The following DNAH17 variants were observed in gnomAD, a reference collection of about 807,000 sequenced individuals.
DNAH17 encodes the protein dynein axonemal heavy chain 17, also known as axonemal beta dynein heavy chain 17.
In DNAH17, 376 loss-of-function variants were observed where a neutral mutation model predicts 485.6. That is an observed-to-expected ratio of 0.77 (90% CI 0.71 to 0.84). DNAH17 has a LOEUF of 0.84. Ranked by LOEUF, DNAH17 falls within the 40% of genes least tolerant of loss-of-function variation. The probability of loss-of-function intolerance (pLI) is 0.00; values close to 1 mark genes in which losing one functional copy is unlikely to be tolerated. For synonymous variants in DNAH17, 3,031 were observed against 2,405.9 expected (o/e 1.26, Z -7.60); for missense variants, 6,370 against 5,839.3 (o/e 1.09, Z -2.96).
At chr17:78,429,524 G>T (rs572785290) in intron 75 of DNAH17, among the ~76,000 whole-genome samples, 184 of 152,260 alleles carry the variant, frequency 1.2e-3, no homozygotes, top group African/African-American at 4.1e-3. Context: ...GGCCCCTTTG[G>T]CTTCTCTCAC....
At chr17:78,532,043 A>G (rs1199700516) in intron 20 of DNAH17, among the ~76,000 whole-genome samples, 2 of 152,268 alleles carry the variant, frequency 1.3e-5, no homozygotes, top group Non-Finnish European at 2.9e-5. Context: ...GGGCTCTCAC[A>G]GGGTTTTACC....
chr17:78,564,765 C>A (rs2092233912), intron 11 of DNAH17, among the ~76,000 whole-genome samples: 1 of 152,104 alleles, frequency 6.6e-6, no homozygotes, highest in Admixed American at 6.6e-5. Flanking sequence ...AGTGCCTGAC[C>A]TCAGGGAGTT....
At chr17:78,460,138 C>G (rs757392674) in intron 59 of DNAH17, 24 bp downstream of exon 59, 1 of 1,588,326 alleles carries the variant, frequency 6.3e-7, no homozygotes, top group Non-Finnish European at 8.6e-7. Context: ...GCCAGGGGTC[C>G]CCTTTCTTTC....
chr17:78,567,824 G>GC (rs2143701823), intron 9 of DNAH17, among the ~76,000 whole-genome samples: 1 of 152,278 alleles, frequency 6.6e-6, no homozygotes, highest in East Asian at 1.9e-4. Context: ...CATCCCGTTA[G>GC]CTGGTTGTGT....
intron 54 of DNAH17, chr17:78,472,611 C>A (rs2088814566): frequency 2.6e-6 from 1 of 391,076 alleles, no homozygotes; most frequent in African/African-American, 2.1e-5. Flanking sequence ...TCCCCACCGC[C>A]TGGCCCCGGG....
rs777498901 is a variant in DNAH17, at chr17:78,480,803, G to A, written c.7650-17C>T. The stretch of plus-strand genomic sequence containing the variant: ...CTGTCATACCTGAGGGGGGAAACCA[G>A]CATTCATGTTGTGCCCCTGGCCTGG... On this transcript the variant is annotated splice_polypyrimidine_tract_variant and intron_variant, in intron 48 of 80. Transcript: ENST00000389840. 3 of 1,592,512 alleles carry A rather than the reference G, an allele frequency of 1.9e-6. No homozygotes were observed. The highest frequency in any genetic ancestry group is 3.4e-5 in the Admixed American group (2 of 58,792).
chr17:78,571,335 T>G lies in DNAH17; in HGVS notation c.776A>C (p.Lys259Thr), dbSNP rs1318941273. 1 of 1,613,818 alleles carries G rather than the reference T, an allele frequency of 6.2e-7. No homozygotes were observed. Among genetic ancestry groups the G allele is most frequent in the Non-Finnish European group, 8.5e-7 (1 of 1,179,862 alleles). The change falls in exon 5 of 81, where the codon AAA becomes ACA. Residue 259 changes from lysine (K) to threonine (T), a missense_variant. Transcript: ENST00000389840. ...GGCTGGCCAGTAGCAGCTTTTGGCT[T>G]TCTCTAGGATCTCAACAATCTTGTT... ...KVNKIVEILE[K>T]AKSCYWPALQ...
At chr17:78,524,058 C>G (rs1239967286) in intron 25 of DNAH17, among the ~76,000 whole-genome samples, 2 of 152,202 alleles carry the variant, frequency 1.3e-5, no homozygotes, top group Non-Finnish European at 2.9e-5. Flanking sequence ...GAAATCCTTA[C>G]CTCGTATTAG....
rs1215255739 is a variant in DNAH17 at position 78,485,025 on chromosome 17, C to G, written c.7492G>C (p.Glu2498Gln). 6.2e-7 allele frequency: 1 copy of G among 1,609,760 alleles called. No homozygotes were observed. The highest frequency in any genetic ancestry group is 1.3e-5 in the African/African-American group (1 of 74,996). The change falls in exon 48 of 81, where the codon GAG (glutamate) becomes CAG (glutamine). Residue 2498 changes from glutamate (E) to glutamine (Q), a missense_variant. By Grantham distance (29) the Glu-to-Gln change is conservative (BLOSUM62 2). Coordinates refer to ENST00000389840, the MANE Select transcript of DNAH17 (RefSeq NM_173628.4). The part of the protein sequence containing the change: ...TTSAMLQGVL[E>Q]KPLEKKSGRN... ...CCCGATTTCTTCTCCAGCGGCTTCT[C>G]CAGCACCCCTAGAGAGGGCAGAGGG...
rs150969873 is a variant in DNAH17, at chr17:78,534,195, C to T, written c.2860-1459G>A. Among the ~76,000 whole-genome samples the T allele has an allele frequency of 3.1e-3, 477 of 152,320 alleles. 1 individual carries two copies. Among genetic ancestry groups the T allele is most frequent in the African/African-American group, 0.011 (457 of 41,564 alleles). ...GCCCTAAATCACCCAGGGTCAGGTA[C>T]CAGACAACTGAAGACAGCCTATAGC... is the stretch of plus-strand genomic sequence containing the variant. On this transcript the variant is annotated intron_variant, in intron 19 of 80. Coordinates refer to ENST00000389840, the MANE Select transcript of DNAH17 (RefSeq NM_173628.4).
intron 35 of DNAH17, chr17:78,500,774 GC>G (rs2090258353): frequency 4.4e-6 from 1 of 227,622 alleles, no homozygotes; most frequent in Non-Finnish European, 8.6e-6. Context: ...CTCCCAAAGT[GC>G]TGGGATTACA....
intron 55 of DNAH17, among the ~76,000 whole-genome samples, chr17:78,468,168 AAT>A (rs924886291): frequency 8.7e-5 from 13 of 149,840 alleles, no homozygotes; most frequent in East Asian, 3.9e-4. Flanking sequence ...GTTAAAAAAA[AAT>A]AATAAAAAAT....
At chr17:78,544,145 G>GTCCTTAGTAGCCCCTGAT in intron 16 of DNAH17, 148 bp from the exon 17 acceptor site, 1 of 1,169,868 alleles carries the variant, frequency 8.5e-7, no homozygotes, top group Non-Finnish European at 1.2e-6. Context: ...TGCCCATCAG[G>GTCCTTAGTAGCCCCTGAT]GGCTACTAAG....
At chr17:78,510,295 C>T (rs2090598276) in intron 27 of DNAH17, 89 bp downstream of exon 27, 4 of 1,563,112 alleles carry the variant, frequency 2.6e-6, no homozygotes, top group South Asian at 2.3e-5. Context: ...CTTGGGGCTG[C>T]AGGACCCCTC....
In DNAH17 at chr17:78,507,334, C is replaced by T; in HGVS notation, c.4620G>A (p.Val1540=). The T allele has an allele frequency of 1.2e-6, 2 of 1,614,030 alleles. No homozygotes were observed. The highest frequency in any genetic ancestry group is 2.2e-5 in the East Asian group (1 of 44,886). The part of the protein sequence containing the change: ...LMEDAVKTPN[V]VEATSKPGLY... ...GGCCGGGTTTGCTGGTGGCTTCCAC[C>T]ACGTTGGGTGTTTTCACTGCATCTT... The change falls in exon 29 of 81, where the codon GTG becomes GTA. Residue 1540 remains valine, a synonymous_variant. Coordinates refer to ENST00000389840, the MANE Select transcript of DNAH17 (RefSeq NM_173628.4).
At chr17:78,528,222 G>A (rs1262356474) in intron 22 of DNAH17, among the ~76,000 whole-genome samples, 5 of 152,156 alleles carry the variant, frequency 3.3e-5, no homozygotes, top group South Asian at 2.1e-4. Context: ...GTGGCTTGGA[G>A]CACCTCAGGG....
intron 73 of DNAH17, among the ~76,000 whole-genome samples, chr17:78,438,441 AGGAGGGAGGAG>A (rs2086934103): frequency 1.1e-5 from 1 of 93,968 alleles, no homozygotes; most frequent in Non-Finnish European, 2.1e-5. Flanking sequence ...GAGGAGGAGG[AGGAGGGAGGAG>A]GGAGGAGGAG....
rs761039563 is a variant in DNAH17, at chr17:78,463,109, G to A, written c.8941-32C>T. The A allele has an allele frequency of 3.7e-6, 6 of 1,601,746 alleles. No individual in the cohort carries two copies. In the East Asian group the frequency reaches 1.1e-4, roughly 30 times the overall value. On this transcript the variant is annotated intron_variant, in intron 56 of 80. Transcript: ENST00000389840. ...AGATGAGACAGCCAGTCATCCCTGG[G>A]ACCCCATCCTGCAAATCAGCAAAGT...
chr17:78,510,732 T>C (rs1374153426), intron 26 of DNAH17: 2 of 498,990 alleles, frequency 4.0e-6, no homozygotes, highest in Admixed American at 6.8e-5. Context: ...AGAACGCACC[T>C]GCACTGGGCG....
Sources: allele counts gnomAD v4.1 joint callset (sites outside exome capture counted in the v4.1 genomes callset), GRCh38; gene constraint gnomAD v4.1.1; transcripts MANE v1.5; gene names NCBI Gene and HGNC (gene_info 2026-07-23, HGNC 2026-07-21).